The following ARHGEF3 variants were observed in gnomAD, a reference collection of about 807,000 sequenced individuals.
ARHGEF3 encodes the protein 59.8 kDA protein.
A neutral mutation model predicts 63.2 loss-of-function variants in ARHGEF3; 28 were observed. The ratio of observed to expected loss-of-function variants is 0.44; its 90% CI spans 0.33 to 0.61. The LOEUF is 0.61. Among genes scored for constraint, ARHGEF3 ranks in the 20% least tolerant of loss-of-function variants. The pLI is 0.03. For synonymous variants in ARHGEF3, 266 were observed against 254.2 expected, an observed-to-expected ratio of 1.05 and a Z score of -0.44; for missense variants, 533 against 659.3, an observed-to-expected ratio of 0.81 and a Z score of 2.10.
intron 1 of ARHGEF3, among the ~76,000 whole-genome samples, chr3:56,783,456 T>C (rs1183486049): frequency 6.6e-6 from 1 of 152,212 alleles, no homozygotes; most frequent in Non-Finnish European, 1.5e-5. Context: ...TACCATTTTG[T>C]TTCTGAGAGA....
At chr3:56,734,457 A>T (rs927320314) in intron 8 of ARHGEF3, among the ~76,000 whole-genome samples, 24 of 152,116 alleles carry the variant, frequency 1.6e-4, no homozygotes, top group Admixed American at 4.6e-4. Flanking sequence ...AGGGCTGAAA[A>T]ACTTCCTATC....
chr3:57,071,309 A>C (rs893715059), intron 1 of ARHGEF3, among the ~76,000 whole-genome samples: 2 of 152,148 alleles, frequency 1.3e-5, no homozygotes, highest in African/African-American at 4.8e-5. Context: ...CAAACATCAA[A>C]TCAAAACAGA....
At chr3:56,852,893 C>A (rs769888579) in intron 4 of ARHGEF3, among the ~76,000 whole-genome samples, 1 of 152,142 alleles carries the variant, frequency 6.6e-6, no homozygotes, top group Admixed American at 6.5e-5. Flanking sequence ...CAAAAAGGAA[C>A]CTTGTCTGCT....
intron 7 of ARHGEF3, 134 bp downstream of exon 7, chr3:56,745,071 G>T: frequency 1.8e-6 from 2 of 1,119,016 alleles, no homozygotes; most frequent in Non-Finnish European, 2.5e-6. Context: ...ATGGTTGATG[G>T]CAGTGCCAGG....
intron 3 of ARHGEF3, among the ~76,000 whole-genome samples, chr3:56,890,455 T>C (rs2041082355): frequency 6.6e-6 from 1 of 152,228 alleles, no homozygotes; most frequent in Non-Finnish European, 1.5e-5. Flanking sequence ...TTATTGCTAC[T>C]GCGGTTATTA....
intron 1 of ARHGEF3, among the ~76,000 whole-genome samples, chr3:57,059,953 G>T (rs566672000): frequency 3.3e-5 from 5 of 151,978 alleles, no homozygotes; most frequent in Non-Finnish European, 7.4e-5. Flanking sequence ...CGGAGATCAC[G>T]CCATTGCACT....
intron 1 of ARHGEF3, among the ~76,000 whole-genome samples, chr3:56,794,349 G>A (rs1236161765): frequency 1.3e-5 from 2 of 151,906 alleles, no homozygotes; most frequent in South Asian, 2.1e-4. Flanking sequence ...TTAGCAGGGC[G>A]TGGTGGCGTG....
Position 56,745,355 on chromosome 3 carries a change from T to C in ARHGEF3, c.720A>G (p.Arg240=), listed in dbSNP as rs2034312502. 1.9e-6 allele frequency: 3 copies of C among 1,613,992 alleles called. No homozygotes were observed. The highest frequency in any genetic ancestry group is 1.7e-6 in the Non-Finnish European group (2 of 1,180,002). ...TGCGGCTAAAGGGGGATTCTAAACATCGCTGTAGGAAATCCTGGACTCGGT... is the reference window on the plus strand; with the variant it reads ...TGCGGCTAAAGGGGGATTCTAAACACCGCTGTAGGAAATCCTGGACTCGGT... ...QDHRVQDFLQ[R]CLESPFSRKL... is the part of the protein sequence containing the mutation. Residue 240 remains arginine, a synonymous_variant, in exon 7 of 10, where the codon CGA becomes CGG. Transcript: ENST00000296315.
chr3:57,010,827 C>A (rs913588377), intron 2 of ARHGEF3, among the ~76,000 whole-genome samples: 4 of 152,156 alleles, frequency 2.6e-5, no homozygotes, highest in African/African-American at 9.7e-5. Context: ...ATACACTTTA[C>A]CCCAAGGAAG....
chr3:56,905,002 G>C (rs1048220451), intron 3 of ARHGEF3, among the ~76,000 whole-genome samples: 6 of 152,182 alleles, frequency 3.9e-5, no homozygotes, highest in African/African-American at 1.4e-4. Flanking sequence ...GCCACTGCTG[G>C]GTACATATGG....
chr3:57,079,258 C>T lies in ARHGEF3; in HGVS notation c.-60G>A, dbSNP rs572599116. 165 of 375,860 alleles carry T rather than the reference C, an allele frequency of 4.4e-4. 2 individuals are homozygous for T. The highest frequency in any genetic ancestry group is 3.5e-4 in the Non-Finnish European group (74 of 212,346). The allele number at this position is 375,860 out of a possible 1,614,324, so 23.3% of individuals were successfully genotyped here. A position where few individuals can be genotyped will look rare whatever the true frequency, so the allele number is the denominator to read the frequency against. ...CCCGCGCTGGTTCGGCCTCTCCAGG[C>T]TGGAAAACTCACCGCGGCGGCGGCG... is the stretch of plus-strand genomic sequence containing the variant. On this transcript the variant is annotated 5_prime_UTR_variant, in exon 1 of 13. Transcript: ENST00000338458.
At chr3:56,995,620 C>CGAGGGA (rs1701941539) in intron 2 of ARHGEF3, among the ~76,000 whole-genome samples, 2 of 113,194 alleles carry the variant, frequency 1.8e-5, no homozygotes, top group Admixed American at 9.3e-5. Context: ...GTAAATTTTC[C>CGAGGGA]GAGAGAGAGA....
At chr3:56,789,166 T>C (rs1016652100) in intron 1 of ARHGEF3, among the ~76,000 whole-genome samples, 1 of 152,180 alleles carries the variant, frequency 6.6e-6, no homozygotes, top group Non-Finnish European at 1.5e-5. Flanking sequence ...ATGAGGAAAC[T>C]AGGGCTTAGA....
intron 4 of ARHGEF3, among the ~76,000 whole-genome samples, chr3:56,832,889 T>A (rs1377360042): frequency 6.6e-6 from 1 of 152,260 alleles, no homozygotes. Context: ...ATATGACCTT[T>A]TGTTTCTCAC....
At chr3:56,968,217 A>G (rs189534823) in intron 2 of ARHGEF3, among the ~76,000 whole-genome samples, 1 of 18,464 alleles carries the variant, frequency 5.4e-5, no homozygotes, top group Non-Finnish European at 1.3e-4. Context: ...AATATATATT[A>G]TATATAATAT....
chr3:56,755,704 G>A (rs1348663948), intron 2 of ARHGEF3, among the ~76,000 whole-genome samples: 1 of 151,956 alleles, frequency 6.6e-6, no homozygotes, highest in Admixed American at 6.6e-5. Context: ...TGTCACATGA[G>A]TTACGGGAGA....
intron 1 of ARHGEF3, among the ~76,000 whole-genome samples, chr3:57,061,734 T>A (rs1705232645): frequency 6.6e-6 from 1 of 152,208 alleles, no homozygotes; most frequent in Non-Finnish European, 1.5e-5. Flanking sequence ...CCACCACAGC[T>A]AACTCTCAGT....
chr3:57,063,191 T>G (rs1705327253), intron 1 of ARHGEF3, among the ~76,000 whole-genome samples: 1 of 152,008 alleles, frequency 6.6e-6, no homozygotes, highest in African/African-American at 2.4e-5. Flanking sequence ...GGGAACAGCA[T>G]GGAGGTGATG....
chr3:57,070,010 T>C (rs1560177132), intron 1 of ARHGEF3, among the ~76,000 whole-genome samples: 3 of 152,194 alleles, frequency 2.0e-5, no homozygotes, highest in Admixed American at 2.0e-4. Context: ...CAAACTATGA[T>C]GTGAGTGAAT....
Sources: gnomAD v4.1 joint callset for allele counts (sites outside exome capture counted in the v4.1 genomes callset) on GRCh38, gnomAD v4.1.1 for gene constraint, MANE v1.5 for transcripts, NCBI Gene and HGNC (gene_info 2026-07-23, HGNC 2026-07-21) for gene names.